Variants in CNTN3 observed in about 807,000 individuals in gnomAD.
CNTN3 encodes the protein contactin-3.
CNTN3 carries 60 observed loss-of-function variants against 119.1 expected under a neutral mutation model. The ratio of observed to expected loss-of-function variants is 0.50; its 90% CI spans 0.41 to 0.62. The LOEUF (loss-of-function observed/expected upper bound fraction) is 0.62, where lower values mean the gene tolerates loss of function less well. Ranked by LOEUF, CNTN3 falls within the 20% of genes least tolerant of loss-of-function variation. The pLI, the probability that CNTN3 is intolerant of heterozygous loss-of-function variation, is 0.00. For missense variants in CNTN3, 1,101 were observed against 1,242.4 expected (o/e 0.89, Z 1.71); for synonymous variants, 450 against 438.7 (o/e 1.03, Z -0.32).
intron 1 of CNTN3, among the ~76,000 whole-genome samples, chr3:74,589,190 T>C (rs1392805426): frequency 1.3e-5 from 2 of 151,914 alleles, no homozygotes; most frequent in East Asian, 3.9e-4. Context: ...TGGGAGAAAA[T>C]TTTTGTGACC....
chr3:74,475,533 G>T (rs1702638623), intron 4 of CNTN3, among the ~76,000 whole-genome samples: 1 of 152,134 alleles, frequency 6.6e-6, no homozygotes, highest in Non-Finnish European at 1.5e-5. Flanking sequence ...TCGCTGCAAG[G>T]CTGTACTTAT....
chr3:74,464,643 A>C (rs1274206718), intron 4 of CNTN3, among the ~76,000 whole-genome samples: 1 of 152,196 alleles, frequency 6.6e-6, no homozygotes, highest in East Asian at 1.9e-4. Context: ...CAGAAAAAAA[A>C]TCCATATTAT....
At chr3:74,302,907 A>G in intron 13 of CNTN3, 100 bp from the exon 14 acceptor site, 1 of 708,074 alleles carries the variant, frequency 1.4e-6, no homozygotes, top group Non-Finnish European at 2.5e-6. Flanking sequence ...AATGAAAACT[A>G]TATTTAGGGA....
At chr3:74,404,579 G>A (rs1330829133) in intron 5 of CNTN3, among the ~76,000 whole-genome samples, 1 of 151,832 alleles carries the variant, frequency 6.6e-6, no homozygotes, top group African/African-American at 2.4e-5. Flanking sequence ...ATATAACTCA[G>A]GAGACAGCAT....
intron 20 of CNTN3, among the ~76,000 whole-genome samples, chr3:74,271,583 G>C (rs1021668006): frequency 1.2e-4 from 18 of 152,202 alleles, no homozygotes; most frequent in Non-Finnish European, 1.3e-4. Context: ...TATGTTTGCT[G>C]TGATTAATTA....
At chr3:74,570,421 A>G (rs1273251482) in intron 1 of CNTN3, among the ~76,000 whole-genome samples, 2 of 152,024 alleles carry the variant, frequency 1.3e-5, no homozygotes, top group African/African-American at 2.4e-5. Context: ...AGAAAGTTGA[A>G]ATCAAGAAAC....
At chr3:74,395,058 G>A (rs1214659946) in intron 5 of CNTN3, among the ~76,000 whole-genome samples, 1 of 151,916 alleles carries the variant, frequency 6.6e-6, no homozygotes, top group Non-Finnish European at 1.5e-5. Context: ...TAAACAAAGT[G>A]GCTTGAGAAG....
chr3:74,522,424 C>T (rs1408199049), intron 1 of CNTN3, among the ~76,000 whole-genome samples: 1 of 151,894 alleles, frequency 6.6e-6, no homozygotes, highest in Non-Finnish European at 1.5e-5. Flanking sequence ...TTAACCTTCA[C>T]TCAATATCCC....
chr3:74,613,001 G>A (rs2106721594), intron 1 of CNTN3, among the ~76,000 whole-genome samples: 1 of 152,296 alleles, frequency 6.6e-6, no homozygotes, highest in South Asian at 2.1e-4. Context: ...TTAAAACCAT[G>A]AACCAAGATG....
At chr3:74,580,771 G>T (rs1704492657) in intron 1 of CNTN3, among the ~76,000 whole-genome samples, 1 of 152,164 alleles carries the variant, frequency 6.6e-6, no homozygotes, top group Non-Finnish European at 1.5e-5. Flanking sequence ...TCATACTAGT[G>T]GTGCCAACAT....
Position 74,436,265 on chromosome 3 carries a change from T to C in CNTN3, c.359-11325A>G, listed in dbSNP as rs1402095377. On this transcript the variant is annotated intron_variant, in intron 4 of 22. Transcript: ENST00000263665. ...CCTCCTATGTGAAAGATACCTTCTC[T>C]GAACATTTTGGATGTTTACGGAAAC... Among the ~76,000 whole-genome samples the C allele has an allele frequency of 2.0e-5, 3 of 152,210 alleles. No individual in the cohort carries two copies. In the East Asian group the frequency reaches 5.8e-4, roughly 29 times the overall value.
intron 13 of CNTN3, among the ~76,000 whole-genome samples, chr3:74,313,861 G>A (rs1374286190): frequency 1.3e-5 from 2 of 152,110 alleles, no homozygotes; most frequent in Admixed American, 6.5e-5. Context: ...ACATAGAAAG[G>A]GAAAGGGGCA....
At chr3:74,402,280 CTA>C (rs1371258538) in intron 5 of CNTN3, among the ~76,000 whole-genome samples, 1 of 152,144 alleles carries the variant, frequency 6.6e-6, no homozygotes, top group Non-Finnish European at 1.5e-5. Flanking sequence ...GGATATGAAA[CTA>C]TGCCATGAAT....
intron 1 of CNTN3, among the ~76,000 whole-genome samples, chr3:74,614,043 G>T (rs907616077): frequency 2.0e-5 from 3 of 152,122 alleles, no homozygotes; most frequent in Non-Finnish European, 2.9e-5. Flanking sequence ...ACCTGGAATT[G>T]TTCCTCAGCA....
At chr3:74,557,395 T>C (rs1704086855) in intron 1 of CNTN3, among the ~76,000 whole-genome samples, 1 of 152,154 alleles carries the variant, frequency 6.6e-6, no homozygotes, top group Non-Finnish European at 1.5e-5. Context: ...GAAAATATGA[T>C]TGAAACATCC....
chr3:74,401,741 T>C (rs1705200062), intron 5 of CNTN3, among the ~76,000 whole-genome samples: 1 of 152,088 alleles, frequency 6.6e-6, no homozygotes, highest in African/African-American at 2.4e-5. Flanking sequence ...GGAGCTATGG[T>C]GACAGGAAGT....
At chr3:74,548,630 T>C (rs1164812773) in intron 1 of CNTN3, among the ~76,000 whole-genome samples, 4 of 152,192 alleles carry the variant, frequency 2.6e-5, no homozygotes, top group African/African-American at 9.7e-5. Context: ...AATAGGTTCT[T>C]GAAAACTGAC....
chr3:74,589,427 G>C (rs62266476), intron 1 of CNTN3, among the ~76,000 whole-genome samples: 1 of 146,054 alleles, frequency 6.8e-6, no homozygotes, highest in Non-Finnish European at 1.5e-5. Context: ...ACACCAGTTA[G>C]AATGGCAATC....
At chr3:74,520,723 C>T (rs1703529618) in intron 2 of CNTN3, among the ~76,000 whole-genome samples, 1 of 151,202 alleles carries the variant, frequency 6.6e-6, no homozygotes, top group South Asian at 2.1e-4. Context: ...TATGTGAGAT[C>T]TCACCTCTTT....
Sources: allele counts gnomAD v4.1 joint callset (sites outside exome capture counted in the v4.1 genomes callset), GRCh38; gene constraint gnomAD v4.1.1; transcripts MANE v1.5; gene names NCBI Gene and HGNC (gene_info 2026-07-23, HGNC 2026-07-21).